Variants in PCDHGB5 observed in about 807,000 individuals in gnomAD.
The protein encoded by PCDHGB5 is protocadherin gamma-B5.
PCDHGB5 carries 48 observed loss-of-function variants against 62.9 expected under a neutral mutation model. The observed-to-expected ratio is 0.76, with a 90% CI of 0.61 to 0.97. The LOEUF (loss-of-function observed/expected upper bound fraction) is 0.97, where lower values mean the gene tolerates loss of function less well. PCDHGB5 is among the 50% of genes least tolerant of loss of function. The probability of loss-of-function intolerance (pLI) is 0.00; values close to 1 mark genes in which losing one functional copy is unlikely to be tolerated. For missense variants in PCDHGB5, 1,118 were observed against 1,198.6 expected (o/e 0.93, Z 0.99); for synonymous variants, 474 against 511.2 (o/e 0.93, Z 0.98).
intron 2 of PCDHGB5, among the ~76,000 whole-genome samples, chr5:141,499,192 C>T (rs1048812227): frequency 1.1e-4 from 17 of 152,106 alleles, no homozygotes; most frequent in South Asian, 2.1e-4. Flanking sequence ...CCATTTCCCC[C>T]TTCTTAGGCT....
At chr5:141,465,162 G>A (rs1464525964) in intron 1 of PCDHGB5, among the ~76,000 whole-genome samples, 1 of 151,654 alleles carries the variant, frequency 6.6e-6, no homozygotes, top group Non-Finnish European at 1.5e-5. Context: ...GACTCTAAAT[G>A]TTTATGAAGA....
chr5:141,489,096 ACT>A lies in PCDHGB5; in HGVS notation c.2398-5710_2398-5709del. The A allele has an allele frequency of 2.0e-6, 1 of 494,278 alleles. No individual in the cohort carries two copies. The allele number at this position is 494,278 out of a possible 1,614,324, so 30.6% of individuals were successfully genotyped here. A position where few individuals can be genotyped will look rare whatever the true frequency, so the allele number is the denominator to read the frequency against. ...CACCCCCGCCACTCGGTGACTAAGA[ACT>A]GCTGCAAGCAGGCAAACCTCCGAGC... On this transcript the variant is annotated intron_variant, in intron 1 of 3. Coordinates refer to ENST00000617380, the MANE Select transcript of PCDHGB5 (RefSeq NM_018925.3). The surrounding 1 kb of genome is among the most constrained non-coding windows in gnomAD (Gnocchi z 4.5).
intron 1 of PCDHGB5, chr5:141,404,780 AAGGCCAGTGAGCC>A: frequency 6.2e-7 from 1 of 1,612,764 alleles, no homozygotes; most frequent in Non-Finnish European, 8.5e-7. Context: ...CCGCCTATTC[AAGGCCAGTGAGCC>A]AGGGCTCTTC....
At chr5:141,457,929 C>T (rs1207409757) in intron 1 of PCDHGB5, among the ~76,000 whole-genome samples, 2 of 152,194 alleles carry the variant, frequency 1.3e-5, no homozygotes, top group Non-Finnish European at 2.9e-5. Context: ...CCCCAAGGGG[C>T]TTTTATTGGC....
chr5:141,423,720 A>G, intron 1 of PCDHGB5: 1 of 957,774 alleles, frequency 1.0e-6, no homozygotes, highest in East Asian at 6.0e-5. Flanking sequence ...TTTTAAGGAG[A>G]TGTTTTTTGA....
At chr5:141,458,651 C>T (rs924873907) in intron 1 of PCDHGB5, among the ~76,000 whole-genome samples, 1 of 152,114 alleles carries the variant, frequency 6.6e-6, no homozygotes. Context: ...CTCACTGCAA[C>T]CTCCACCTCT....
intron 3 of PCDHGB5, among the ~76,000 whole-genome samples, chr5:141,506,138 G>T (rs983643755): frequency 6.6e-6 from 1 of 152,134 alleles, no homozygotes; most frequent in African/African-American, 2.4e-5. Flanking sequence ...AGGAGAAGAA[G>T]AATATCATTT....
intron 1 of PCDHGB5, chr5:141,422,432 A>T: frequency 6.2e-7 from 1 of 1,609,448 alleles, no homozygotes; most frequent in South Asian, 1.1e-5. Context: ...TATGGAAATT[A>T]TTACAAATTG....
At position 141,491,645 on chromosome 5, in the gene PCDHGB5, C is replaced by T; in HGVS notation, c.2398-3162C>T. On this transcript the variant is annotated intron_variant, in intron 1 of 3. Transcript: ENST00000617380. The surrounding 1 kb of genome is among the most constrained non-coding windows in gnomAD (Gnocchi z 6.9). ...AGCGTTCAGCAGCCCACAGCTCTGG[C>T]GCTGGAGCCTGACGCCATCCGGTCC... 1.2e-6 allele frequency: 2 copies of T among 1,613,890 alleles called. No homozygotes were observed. Among genetic ancestry groups the T allele is most frequent in the African/African-American group, 1.3e-5 (1 of 75,082 alleles).
Position 141,511,350 on chromosome 5 carries a change from C to G in PCDHGB5, c.*177C>G, listed in dbSNP as rs1303365585. 4.3e-6 allele frequency: 6 copies of G among 1,397,194 alleles called. No homozygotes were observed. Among genetic ancestry groups the G allele is most frequent in the East Asian group, 2.5e-5 (1 of 39,862 alleles). The allele number at this position is 1,397,194 out of a possible 1,614,324, so 86.5% of individuals were successfully genotyped here. On this transcript the variant is annotated 3_prime_UTR_variant, in exon 4 of 4. Transcript: ENST00000617380. ...CCCAGTCAGCACCTACCCCTTCCCC[C>G]CCAGGGGGTTGAATATGCAAAAGCA...
Position 141,440,827 on chromosome 5 carries a change from A to G in PCDHGB5, c.2397+40303A>G, listed in dbSNP as rs570022849. 7 of 152,196 alleles carry G rather than the reference A, an allele frequency of 4.6e-5. 1 individual carries two copies. The highest frequency in any genetic ancestry group is 1.4e-4 in the African/African-American group (6 of 41,526). 9.4% of individuals were successfully genotyped at this position (152,196 alleles called of 1,614,324 possible). A position where few individuals can be genotyped will look rare whatever the true frequency, so the allele number is the denominator to read the frequency against. ...GCAGCATCACTCAACTCCTGATCCT[A>G]TTGGTTGAAGCCAATGACAACCCTG... On this transcript the variant is annotated intron_variant, in intron 1 of 3. Transcript: ENST00000617380.
chr5:141,399,459 C>T lies in PCDHGB5; in HGVS notation c.1332C>T (p.Asn444=), dbSNP rs897098728. 6 of 1,613,894 alleles carry T rather than the reference C, an allele frequency of 3.7e-6. No individual in the cohort carries two copies. Among genetic ancestry groups the T allele is most frequent in the Non-Finnish European group, 5.1e-6 (6 of 1,179,904 alleles). Reference sequence around the variant, plus strand: ...TACATATCAGAGACGTCAACGATAACGCTCCGGTTTTCCACCAGGCGTCCT... The same window carrying T: ...TACATATCAGAGACGTCAACGATAATGCTCCGGTTTTCCACCAGGCGTCCT... ...VILHIRDVND[N]APVFHQASYL... is the part of the protein sequence containing the mutation. The change falls in exon 1 of 4, where the codon AAC becomes AAT. Residue 444 remains asparagine (N), a synonymous_variant. Coordinates refer to ENST00000617380, the MANE Select transcript of PCDHGB5 (RefSeq NM_018925.3).
rs1023591745 is a variant in PCDHGB5 at position 141,432,912 on chromosome 5, G to T, written c.2397+32388G>T. 2.5e-6 allele frequency: 4 copies of T among 1,614,160 alleles called. No individual in the cohort carries two copies. Among genetic ancestry groups the T allele is most frequent in the Non-Finnish European group, 3.4e-6 (4 of 1,180,012 alleles). On this transcript the variant is annotated intron_variant, in intron 1 of 3. Transcript: ENST00000617380. The surrounding 1 kb of genome is among the most constrained non-coding windows in gnomAD (Gnocchi z 6.0). Reference sequence around the variant, plus strand: ...TTGCTGCTGGCGCTCAGGCTGCGGCGCTGGCACAAGTCACGCCTGCTGCAG... The same window carrying T: ...TTGCTGCTGGCGCTCAGGCTGCGGCTCTGGCACAAGTCACGCCTGCTGCAG...
chr5:141,438,714 G>A (rs1051491309), intron 1 of PCDHGB5, among the ~76,000 whole-genome samples: 1 of 147,786 alleles, frequency 6.8e-6, no homozygotes, highest in South Asian at 2.2e-4. Flanking sequence ...AGGCTGGAGT[G>A]CAAGTGGTGT....
At chr5:141,456,860 G>A (rs1345260160) in intron 1 of PCDHGB5, among the ~76,000 whole-genome samples, 1 of 152,170 alleles carries the variant, frequency 6.6e-6, no homozygotes, top group African/African-American at 2.4e-5. Flanking sequence ...CTAATTGGGA[G>A]GCTGAGGCAG....
intron 2 of PCDHGB5, among the ~76,000 whole-genome samples, chr5:141,495,107 AC>A (rs1422274779): frequency 1.3e-5 from 2 of 152,048 alleles, no homozygotes; most frequent in Non-Finnish European, 2.9e-5. Context: ...CACGACCGGC[AC>A]CTTTTCCTAT....
At chr5:141,405,231 C>T in intron 1 of PCDHGB5, 2 of 1,614,130 alleles carry the variant, frequency 1.2e-6, no homozygotes, top group Non-Finnish European at 1.7e-6. Flanking sequence ...TTCTCCCTCA[C>T]CGCTGACTCA....
chr5:141,456,536 G>A (rs1231730255), intron 1 of PCDHGB5, among the ~76,000 whole-genome samples: 1 of 152,158 alleles, frequency 6.6e-6, no homozygotes, highest in Non-Finnish European at 1.5e-5. Flanking sequence ...AATTAAAGAG[G>A]GATTGTAGCC....
At chr5:141,468,324 C>T (rs1301315098) in intron 1 of PCDHGB5, 1 of 127,722 alleles carries the variant, frequency 7.8e-6, no homozygotes, top group Non-Finnish European at 1.6e-5. Context: ...ACGGTAAACT[C>T]CATCTCAAAA....
Sources: gnomAD v4.1 joint callset for allele counts (sites outside exome capture counted in the v4.1 genomes callset) on GRCh38, gnomAD v4.1.1 for gene constraint, Gnocchi (gnomAD v3.1) non-coding constraint, MANE v1.5 for transcripts, NCBI Gene and HGNC (gene_info 2026-07-23, HGNC 2026-07-21) for gene names.